TYW1B: variants seen among roughly 807,000 people sequenced by gnomAD.
The protein encoded by TYW1B is S-adenosyl-L-methionine-dependent tRNA 4-demethylwyosine synthase TYW1B.
TYW1B carries 73 observed loss-of-function variants against 86.9 expected under a neutral mutation model. That is an observed-to-expected ratio of 0.84 (90% CI 0.70 to 1.02). The LOEUF is 1.02. Ranked by LOEUF, TYW1B falls within the 50% of genes least tolerant of loss-of-function variation. TYW1B has a pLI of 0.00. For synonymous variants in TYW1B, 248 were observed against 292.8 expected (o/e 0.85, Z 1.56); for missense variants, 637 against 827.4 (o/e 0.77, Z 2.82).
intron 13 of TYW1B, 24 bp downstream of exon 13, chr7:72,616,648 A>C: frequency 6.2e-7 from 1 of 1,613,990 alleles, no homozygotes; most frequent in Non-Finnish European, 8.5e-7. Context: ...GGAACAGAAG[A>C]TTCCATGTTT....
intron 7 of TYW1B, among the ~76,000 whole-genome samples, chr7:72,774,242 G>A (rs558740515): frequency 1.3e-5 from 2 of 152,076 alleles, no homozygotes; most frequent in African/African-American, 4.8e-5. Context: ...GCATTAGGTA[G>A]ACTACATAGA....
chr7:72,774,655 T>C lies in TYW1B; in HGVS notation c.964+2761A>G, dbSNP rs546053455. 1.9e-3 allele frequency among the ~76,000 whole-genome samples: 285 copies of C among 152,008 alleles called. 1 individual carries two copies. The highest frequency in any genetic ancestry group is 5.6e-3 in the South Asian group (27 of 4,820). On this transcript the variant is annotated intron_variant, in intron 7 of 13. Coordinates refer to ENST00000620995, the MANE Select transcript of TYW1B (RefSeq NM_001145440.3). ...TTGAGGCAGGAGAATCGCTTGAACC[T>C]GGGAGGCAGAGGTTGCAGTGAGCCA...
At chr7:72,598,674 G>C (rs1362736237) in intron 13 of TYW1B, among the ~76,000 whole-genome samples, 3 of 152,198 alleles carry the variant, frequency 2.0e-5, no homozygotes, top group Non-Finnish European at 4.4e-5. Context: ...GTAAGAGTGG[G>C]CTACTCAACT....
intron 13 of TYW1B, among the ~76,000 whole-genome samples, chr7:72,577,507 G>A (rs1309959129): frequency 2.0e-5 from 3 of 152,164 alleles, no homozygotes; most frequent in African/African-American, 7.2e-5. Context: ...AGCAATCACT[G>A]TCATTCCCAG....
At chr7:72,741,174 C>T (rs1467475886) in intron 8 of TYW1B, among the ~76,000 whole-genome samples, 1 of 152,074 alleles carries the variant, frequency 6.6e-6, no homozygotes, top group Admixed American at 6.6e-5. Flanking sequence ...TTTAAGCCAA[C>T]TATCTTAAAC....
At chr7:72,590,068 C>T (rs1554431148) in intron 13 of TYW1B, among the ~76,000 whole-genome samples, 1 of 152,088 alleles carries the variant, frequency 6.6e-6, no homozygotes, top group East Asian at 1.9e-4. Context: ...GTAGAAAGCA[C>T]GAGGAATACT....
chr7:72,655,591 A>G (rs1274027311), intron 11 of TYW1B, among the ~76,000 whole-genome samples: 3 of 152,068 alleles, frequency 2.0e-5, no homozygotes, highest in Non-Finnish European at 4.4e-5. Flanking sequence ...AGTCCACCCC[A>G]TGTCCTATAC....
intron 6 of TYW1B, among the ~76,000 whole-genome samples, chr7:72,792,384 A>G (rs1270742223): frequency 6.6e-6 from 1 of 152,138 alleles, no homozygotes; most frequent in Non-Finnish European, 1.5e-5. Flanking sequence ...AAAAATGCAA[A>G]TGAACAATAA....
chr7:72,678,469 G>GT (rs1252649862), intron 11 of TYW1B, among the ~76,000 whole-genome samples: 1 of 152,166 alleles, frequency 6.6e-6, no homozygotes, highest in Non-Finnish European at 1.5e-5. Flanking sequence ...AATGGGCAAG[G>GT]TATGGAAAGG....
chr7:72,790,250 G>A (rs7803303), intron 6 of TYW1B, among the ~76,000 whole-genome samples: 104,194 of 151,708 alleles, frequency 0.69, 36,705 homozygotes, highest in Non-Finnish European at 0.77. Flanking sequence ...CCGGCCAGGA[G>A]TATCTTTGTT....
At chr7:72,727,416 A>G (rs1787020407) in intron 9 of TYW1B, among the ~76,000 whole-genome samples, 1 of 152,174 alleles carries the variant, frequency 6.6e-6, no homozygotes, top group Non-Finnish European at 1.5e-5. Flanking sequence ...AACCTAACAA[A>G]TTCCAATTCA....
chr7:72,707,750 C>T (rs1814646869), intron 10 of TYW1B, among the ~76,000 whole-genome samples: 1 of 152,198 alleles, frequency 6.6e-6, no homozygotes. Context: ...GCAGAACTGT[C>T]AGTAAAGAGT....
At chr7:72,594,287 G>A (rs116559248) in intron 13 of TYW1B, among the ~76,000 whole-genome samples, 1,875 of 150,232 alleles carry the variant, frequency 0.012, 40 homozygotes, top group African/African-American at 0.041. Flanking sequence ...TAAAAAGAGA[G>A]AAATAAGACT....
intron 13 of TYW1B, among the ~76,000 whole-genome samples, chr7:72,592,600 T>C (rs1203844399): frequency 2.0e-4 from 31 of 152,136 alleles, no homozygotes; most frequent in Admixed American, 1.8e-3. Context: ...AAGACAGAGA[T>C]TGGTAGAATA....
At chr7:72,615,165 T>C (rs188929522) in intron 13 of TYW1B, among the ~76,000 whole-genome samples, 65 of 152,366 alleles carry the variant, frequency 4.3e-4, no homozygotes, top group African/African-American at 1.4e-3. Context: ...AAGAACTGAA[T>C]TGGCTTGAAT....
At chr7:72,825,626 C>T (rs1183066133) in intron 2 of TYW1B, among the ~76,000 whole-genome samples, 2 of 151,980 alleles carry the variant, frequency 1.3e-5, no homozygotes, top group East Asian at 1.9e-4. Context: ...TGCAGTGAGC[C>T]GAGATCGTGC....
At chr7:72,748,323 G>C (rs1320487834) in intron 7 of TYW1B, among the ~76,000 whole-genome samples, 2 of 151,958 alleles carry the variant, frequency 1.3e-5, no homozygotes, top group Non-Finnish European at 2.9e-5. Context: ...TGTATCCTGT[G>C]ACCTTGCTGA....
chr7:72,641,856 G>A (rs1424581355), intron 11 of TYW1B, among the ~76,000 whole-genome samples: 2 of 152,186 alleles, frequency 1.3e-5, no homozygotes, highest in Non-Finnish European at 2.9e-5. Context: ...AGTTCCAGCT[G>A]CCTGTTTTGC....
intron 3 of TYW1B, among the ~76,000 whole-genome samples, chr7:72,812,865 T>A (rs182012435): frequency 6.6e-6 from 1 of 152,170 alleles, no homozygotes; most frequent in East Asian, 1.9e-4. Context: ...CTAATTTTTC[T>A]ATTTTTAATA....
Sources: gnomAD v4.1 joint callset for allele counts (sites outside exome capture counted in the v4.1 genomes callset) on GRCh38, gnomAD v4.1.1 for gene constraint, MANE v1.5 for transcripts, NCBI Gene and HGNC (gene_info 2026-07-23, HGNC 2026-07-21) for gene names.